The following SYNE1 variants were observed in gnomAD, a reference collection of about 807,000 sequenced individuals.
The protein encoded by SYNE1 is spectrin repeat containing nuclear envelope protein 1, also known as nesprin-1.
A neutral mutation model predicts 1,111.0 loss-of-function variants in SYNE1; 616 were observed. The ratio of observed to expected loss-of-function variants is 0.55; its 90% CI spans 0.52 to 0.59. SYNE1 has a LOEUF of 0.59. SYNE1 is among the 20% of genes least tolerant of loss of function. SYNE1 has a pLI of 0.00. For missense variants in SYNE1, 10,006 were observed against 10,417.0 expected, an observed-to-expected ratio of 0.96 and a Z score of 1.72; for synonymous variants, 3,855 against 3,825.8, an observed-to-expected ratio of 1.01 and a Z score of -0.28.
intron 99 of SYNE1, 21 bp from the exon 100 acceptor site, chr6:152,268,186 A>G (rs2092884851): frequency 1.3e-6 from 2 of 1,581,178 alleles, no homozygotes; most frequent in Non-Finnish European, 1.7e-6. Context: ...GAAAGGACAA[A>G]CGCAAACACA....
At position 152,331,302 on chromosome 6, in the gene SYNE1, T is replaced by C; in HGVS notation, c.13383A>G (p.Ala4461=). The change falls in exon 78 of 146, where the codon GCA becomes GCG. Residue 4461 remains alanine, a synonymous_variant. Transcript: ENST00000367255. ...GAATTTGGCTGGTGGCCTGGAACAC[T>C]GCCATGAGAAACTGGGTTTTCTCGG... ...ALSEKTQFLM[A]VFQATSQIQQ... is the part of the protein sequence containing the mutation. 1 of 1,614,174 alleles carries C rather than the reference T, an allele frequency of 6.2e-7. No individual in the cohort carries two copies. The highest frequency in any genetic ancestry group is 1.1e-5 in the South Asian group (1 of 91,082).
intron 145 of SYNE1, chr6:152,126,570 C>T (rs2053524746): frequency 6.6e-6 from 1 of 152,112 alleles, no homozygotes; most frequent in Non-Finnish European, 1.5e-5. Context: ...ACAGATATAT[C>T]AGATAGTTCT....
At chr6:152,356,778 A>G (rs1006099270) in intron 66 of SYNE1, among the ~76,000 whole-genome samples, 1 of 152,094 alleles carries the variant, frequency 6.6e-6, no homozygotes, top group African/African-American at 2.4e-5. Context: ...GTGGCTCACA[A>G]TAGAAAATGT....
intron 93 of SYNE1, among the ~76,000 whole-genome samples, chr6:152,296,068 T>C (rs1038319044): frequency 2.0e-5 from 3 of 152,208 alleles, no homozygotes; most frequent in Non-Finnish European, 2.9e-5. Flanking sequence ...TCATGGGACT[T>C]TCTCACCCTC....
At chr6:152,184,771 T>C (rs551757534) in intron 128 of SYNE1, among the ~76,000 whole-genome samples, 42 of 152,216 alleles carry the variant, frequency 2.8e-4, no homozygotes, top group African/African-American at 9.6e-4. Flanking sequence ...AAAGACACAG[T>C]GAGGCTACAA....
intron 41 of SYNE1, among the ~76,000 whole-genome samples, chr6:152,415,789 T>TAAAAAAAAAAAA (rs1209590450): frequency 3.8e-4 from 28 of 73,036 alleles, no homozygotes; most frequent in African/African-American, 1.1e-3. Flanking sequence ...TTCAAAGTGG[T>TAAAAAAAAAAAA]AAAAAAAAAA....
intron 124 of SYNE1, among the ~76,000 whole-genome samples, chr6:152,209,106 A>C (rs2077058169): frequency 6.6e-6 from 1 of 152,198 alleles, no homozygotes; most frequent in African/African-American, 2.4e-5. Context: ...TTCACACCTA[A>C]AGTGCAAGTA....
chr6:152,602,427 C>G (rs2099598451), intron 3 of SYNE1, among the ~76,000 whole-genome samples: 2 of 152,090 alleles, frequency 1.3e-5, no homozygotes, highest in Non-Finnish European at 2.9e-5. Context: ...AGGAGTCACC[C>G]TACTGAAATC....
At chr6:152,582,377 C>T (rs2099523060) in intron 3 of SYNE1, among the ~76,000 whole-genome samples, 1 of 152,046 alleles carries the variant, frequency 6.6e-6, no homozygotes, top group Non-Finnish European at 1.5e-5. Flanking sequence ...TCATTACTTA[C>T]CTAGTCCCAC....
At chr6:152,614,401 A>G (rs928710652) in intron 3 of SYNE1, among the ~76,000 whole-genome samples, 2 of 152,272 alleles carry the variant, frequency 1.3e-5, no homozygotes, top group Non-Finnish European at 2.9e-5. Flanking sequence ...ATCACTTGTC[A>G]TCAGAAAAAT....
At chr6:152,230,448 TA>T (rs1260150228) in intron 115 of SYNE1, 98 bp downstream of exon 115, 2 of 1,316,974 alleles carry the variant, frequency 1.5e-6, no homozygotes, top group Non-Finnish European at 2.1e-6. Flanking sequence ...TTTAAATATT[TA>T]AAAAAATATT....
Position 152,387,304 on chromosome 6 carries a change from A to G in SYNE1, c.8255T>C (p.Val2752Ala), listed in dbSNP as rs771616422. 1.9e-6 allele frequency: 3 copies of G among 1,614,170 alleles called. No individual in the cohort carries two copies. In the South Asian group the frequency reaches 3.3e-5, roughly 18 times the overall value. ...KNQLEQWMES[V>A]DQKIEHPLQP... ...TAAGGGATGTTCTATTTTTTGATCC[A>G]CTGATTCCATCCACTGCTCCAACTG... Residue 2752 changes from valine (V) to alanine (A), a missense_variant, in exon 54 of 146, where the codon GTG (valine) becomes GCG (alanine). Physicochemically the swap from Val to Ala is moderately conservative, Grantham distance 64. Coordinates refer to ENST00000367255, the MANE Select transcript of SYNE1 (RefSeq NM_182961.4).
chr6:152,126,731 T>C (rs1002396518), intron 145 of SYNE1: 3 of 152,296 alleles, frequency 2.0e-5, no homozygotes, highest in Non-Finnish European at 2.9e-5. Flanking sequence ...ATAAGGAGAA[T>C]GGCAGGGAGG....
At chr6:152,561,569 A>C (rs546356922) in intron 3 of SYNE1, among the ~76,000 whole-genome samples, 1 of 152,280 alleles carries the variant, frequency 6.6e-6, no homozygotes, top group Non-Finnish European at 1.5e-5. Context: ...GAAATAGAAA[A>C]AAAAGTCCTA....
Position 152,133,291 on chromosome 6 carries a change from C to G in SYNE1, c.25986G>C (p.Val8662=), listed in dbSNP as rs1348335149. 2.5e-6 allele frequency: 4 copies of G among 1,614,046 alleles called. No individual in the cohort carries two copies. The highest frequency in any genetic ancestry group is 3.4e-6 in the Non-Finnish European group (4 of 1,180,036). ...HIKELEKLLD[V]SSSQQDLSSW... is the part of the protein sequence containing the mutation. ...TATTGCTTACCTGCTGACTACTTGA[C>G]ACGTCTAATAACTTCTCCAGTTCCT... is the stretch of plus-strand genomic sequence containing the variant. Residue 8662 remains valine, a synonymous_variant, in exon 143 of 146, where the codon GTG becomes GTC. Transcript: ENST00000367255.
chr6:152,454,273 C>G (rs1424985629), intron 24 of SYNE1, among the ~76,000 whole-genome samples: 2 of 151,242 alleles, frequency 1.3e-5, no homozygotes, highest in Non-Finnish European at 2.9e-5. Context: ...AAATTGTGTT[C>G]TTCTTCAGAC....
intron 3 of SYNE1, among the ~76,000 whole-genome samples, chr6:152,563,256 A>G (rs1486563421): frequency 6.6e-6 from 1 of 151,994 alleles, no homozygotes; most frequent in African/African-American, 2.4e-5. Flanking sequence ...GGAACTTCCA[A>G]CTCTCCTAGC....
rs182453040 is a variant in SYNE1 at position 152,368,958 on chromosome 6, G to C, written c.9807+14C>G. ...TCAGTATCACACTCACACACAGCAC[G>C]TGCCAGGCGTTACCTTTGTTAAATT... is the stretch of plus-strand genomic sequence containing the variant. On this transcript the variant is annotated intron_variant, in intron 61 of 145. Transcript: ENST00000367255. The C allele has an allele frequency of 1.4e-4, 218 of 1,614,088 alleles. 1 individual carries two copies. In the East Asian group the frequency reaches 3.8e-3, roughly 28 times the overall value.
chr6:152,136,472 A>G (rs1423740988), intron 141 of SYNE1, 146 bp downstream of exon 141: 1 of 931,558 alleles, frequency 1.1e-6, no homozygotes, highest in African/African-American at 1.6e-5. Flanking sequence ...GTAAAATGAA[A>G]AGTTTGGGCA....
Sources: allele counts gnomAD v4.1 joint callset (sites outside exome capture counted in the v4.1 genomes callset), GRCh38; gene constraint gnomAD v4.1.1; transcripts MANE v1.5; gene names NCBI Gene and HGNC (gene_info 2026-07-23, HGNC 2026-07-21).